The following SRCIN1 variants were observed in gnomAD, a reference collection of about 807,000 sequenced individuals.
SRCIN1 encodes the protein SRC kinase signaling inhibitor 1.
A neutral mutation model predicts 116.2 loss-of-function variants in SRCIN1; 50 were observed. That is an observed-to-expected ratio of 0.43 (90% CI 0.34 to 0.54). SRCIN1 has a LOEUF of 0.54. Ranked by LOEUF, SRCIN1 falls within the 20% of genes least tolerant of loss-of-function variation. SRCIN1 has a pLI of 0.02. For synonymous variants in SRCIN1, 736 were observed against 750.0 expected (o/e 0.98, Z 0.30); for missense variants, 1,446 against 1,672.0 (o/e 0.86, Z 2.36).
Position 38,561,893 on chromosome 17 carries a change from C to T in SRCIN1, c.1270G>A (p.Gly424Ser). The change falls in exon 7 of 19, where the codon GGC becomes AGC. Residue 424 changes from glycine (G) to serine (S), a missense_variant. Coordinates refer to ENST00000617146, the MANE Select transcript of SRCIN1 (RefSeq NM_025248.3). ...AGDPFAYPGA[G>S]GLYKRGSVRS... ...ACCGAGCCGCGCTTGTAGAGGCCGC[C>T]GGCGCCCGGGTAGGCGAACGGGTCG... 1 of 1,405,004 alleles carries T rather than the reference C, an allele frequency of 7.1e-7. No individual in the cohort carries two copies. The highest frequency in any genetic ancestry group is 9.2e-7 in the Non-Finnish European group (1 of 1,090,784). The allele number at this position is 1,405,004 out of a possible 1,614,324, so 87.0% of individuals were successfully genotyped here. A position where few individuals can be genotyped will look rare whatever the true frequency, so the allele number is the denominator to read the frequency against.
rs1906234495 is a variant in SRCIN1, at chr17:38,561,474, G to T, written c.1689C>A (p.Asp563Glu). ...TTAACGTCCCTCACCTGGTCTCCGT[G>T]TCCTTGGCTGGCACTGGCGGCCCGA... ...VGFGPPVPAK[D>E]TETRERMEAM... is the part of the protein sequence containing the mutation. Residue 563 changes from aspartate (D) to glutamate (E), a missense_variant, in exon 7 of 19, where the codon GAC (aspartate) becomes GAA (glutamate). Physicochemically the swap from Asp to Glu is conservative, Grantham distance 45 (BLOSUM62 2). This residue lies in a region of SRCIN1 where 398 missense variants were observed against 385.6 expected (regional missense o/e 1.03). Coordinates refer to ENST00000617146, the MANE Select transcript of SRCIN1 (RefSeq NM_025248.3). 2 of 1,588,324 alleles carry T rather than the reference G, an allele frequency of 1.3e-6. No homozygotes were observed. Among genetic ancestry groups the T allele is most frequent in the Non-Finnish European group, 1.7e-6 (2 of 1,174,990 alleles).
upstream of SRCIN1, among the ~76,000 whole-genome samples, chr17:38,606,304 G>A (rs896863414): frequency 1.3e-5 from 2 of 151,798 alleles, no homozygotes; most frequent in African/African-American, 2.4e-5. This position sits in a 1 kb window ranked among gnomAD's most constrained non-coding sequence, Gnocchi z 5.2. Flanking sequence ...GGGTCTCCAA[G>A]CCCGGGCGCG....
intron 18 of SRCIN1, among the ~76,000 whole-genome samples, chr17:38,534,567 C>T (rs1056582862): frequency 1.3e-5 from 2 of 152,182 alleles, no homozygotes; most frequent in Non-Finnish European, 2.9e-5. Flanking sequence ...TCACCAGAGA[C>T]CACCCTGAGG....
chr17:38,572,478 A>T lies in SRCIN1; in HGVS notation c.325-4247T>A, dbSNP rs1476299341. On this transcript the variant is annotated intron_variant, in intron 2 of 18. Transcript: ENST00000617146. This position sits in a 1 kb window ranked among gnomAD's most constrained non-coding sequence, Gnocchi z 4.3. The stretch of plus-strand genomic sequence containing the variant: ...CTGATTTTGGAGTGGGGGCCGGCCC[A>T]CGCCGAAGGCACCTAATGCGGTGGG... Among the ~76,000 whole-genome samples the T allele has an allele frequency of 6.6e-6, 1 of 151,708 alleles. No homozygotes were observed. Among genetic ancestry groups the T allele is most frequent in the East Asian group, 2.0e-4 (1 of 5,120 alleles).
intron 1 of SRCIN1, among the ~76,000 whole-genome samples, chr17:38,591,395 G>A (rs955961066): frequency 2.0e-5 from 3 of 152,052 alleles, no homozygotes; most frequent in Non-Finnish European, 4.4e-5. Context: ...CTTCCTGTGT[G>A]GCCCAGCCCC....
intron 2 of SRCIN1, among the ~76,000 whole-genome samples, chr17:38,571,669 G>C (rs954886279): frequency 6.6e-6 from 1 of 152,186 alleles, no homozygotes; most frequent in African/African-American, 2.4e-5. Context: ...GACCCCGGCA[G>C]GGGCAACCAC....
At chr17:38,533,873 C>T (rs1314659605) in intron 18 of SRCIN1, among the ~76,000 whole-genome samples, 1 of 151,974 alleles carries the variant, frequency 6.6e-6, no homozygotes, top group Non-Finnish European at 1.5e-5. Flanking sequence ...CCAAATGGCC[C>T]GCTGTACAGC....
rs73982849 is a variant in SRCIN1 at position 38,604,968 on chromosome 17, T to C, written c.22+716A>G. The stretch of plus-strand genomic sequence containing the variant: ...CCCCTCCCTAAACCCCTCCCTCTCG[T>C]GGCCCTCCCTACCCGCTGGTAGAGC... On this transcript the variant is annotated intron_variant, in intron 1 of 18. Transcript: ENST00000617146. This position sits in a 1 kb window ranked among gnomAD's most constrained non-coding sequence, Gnocchi z 4.3. Among the ~76,000 whole-genome samples, 4,209 of 151,726 alleles carry C rather than the reference T, an allele frequency of 0.028. 196 individuals are homozygous for C. The highest frequency in any genetic ancestry group is 0.098 in the African/African-American group (4,030 of 41,302).
At chr17:38,566,466 A>G (rs7220754) in intron 3 of SRCIN1, among the ~76,000 whole-genome samples, 4,008 of 152,170 alleles carry the variant, frequency 0.026, 185 homozygotes, top group African/African-American at 0.09. Flanking sequence ...GGGAGATGGC[A>G]GAAGAACAAA....
chr17:38,591,672 C>A (rs545621142), intron 1 of SRCIN1, among the ~76,000 whole-genome samples: 1 of 152,222 alleles, frequency 6.6e-6, no homozygotes, highest in Admixed American at 6.5e-5. Context: ...CTCAGGCCTC[C>A]CCCAGCCTCA....
intron 17 of SRCIN1, 70 bp downstream of exon 17, chr17:38,548,482 ACCTGG>A: frequency 6.4e-7 from 1 of 1,573,190 alleles, no homozygotes; most frequent in Non-Finnish European, 8.6e-7. Context: ...TCATCCTGTC[ACCTGG>A]CCTGGGGGGC....
rs1905512783 is a variant in SRCIN1, at chr17:38,552,656, A to T, written c.2333-62T>A. 1.2e-6 allele frequency: 2 copies of T among 1,613,204 alleles called. No homozygotes were observed. Among genetic ancestry groups the T allele is most frequent in the Non-Finnish European group, 1.7e-6 (2 of 1,179,802 alleles). ...GAGCACCACAGACTGGGAGGAGAGG[A>T]TGGTGGCTGGAGTATGGCAGACTTC... On this transcript the variant is annotated intron_variant, in intron 12 of 18. Transcript: ENST00000617146. The surrounding 1 kb of genome is among the most constrained non-coding windows in gnomAD (Gnocchi z 5.3).
chr17:38,559,487 A>G (rs1471755803), intron 10 of SRCIN1, 98 bp downstream of exon 10: 31 of 1,288,314 alleles, frequency 2.4e-5, no homozygotes, highest in Non-Finnish European at 3.3e-5. Context: ...AAGCTCTGGG[A>G]AAAGGATGAG....
In SRCIN1 at chr17:38,552,913, C is replaced by A. The variant is rs1905537864; in HGVS notation, c.2202-58G>T. 1 of 1,561,422 alleles carries A rather than the reference C, an allele frequency of 6.4e-7. No individual in the cohort carries two copies. The highest frequency in any genetic ancestry group is 8.7e-7 in the Non-Finnish European group (1 of 1,154,364). On this transcript the variant is annotated intron_variant, in intron 11 of 18. Coordinates refer to ENST00000617146, the MANE Select transcript of SRCIN1 (RefSeq NM_025248.3). This position sits in a 1 kb window ranked among gnomAD's most constrained non-coding sequence, Gnocchi z 5.3. Reference sequence around the variant, plus strand: ...TGGCCTGAGATGCCAGCCCAGCCCCCTGAAATTGGGCAACTGGAAAGAAAT... The same window carrying A: ...TGGCCTGAGATGCCAGCCCAGCCCCATGAAATTGGGCAACTGGAAAGAAAT...
intron 14 of SRCIN1, 52 bp from the exon 15 acceptor site, chr17:38,551,441 C>G (rs1597892803): frequency 4.8e-6 from 7 of 1,461,138 alleles, no homozygotes; most frequent in Non-Finnish European, 6.5e-6. Flanking sequence ...GCTCCAGGAC[C>G]TCTGGGGCCT....
rs1905243831 is a variant in SRCIN1, at chr17:38,549,153, G to C, written c.3020C>G (p.Pro1007Arg). The change falls in exon 16 of 19, where the codon CCC becomes CGC. Residue 1007 changes from proline to arginine, a missense_variant. Pro to Arg is a moderately radical substitution (Grantham distance 103). This residue lies in a region of SRCIN1 where 531 missense variants were observed against 633.9 expected (regional missense o/e 0.84). Transcript: ENST00000617146. ...GGAGGGGAAGCTCCGGCGGGGAGGG[G>C]GCGGTGGGGGCGACTTGGAGGGCTT... ...TEKPSKSPPP[P>R]PPRRSFPSSH... 6.3e-7 allele frequency: 1 copy of C among 1,589,590 alleles called. No homozygotes were observed. Among genetic ancestry groups the C allele is most frequent in the Non-Finnish European group, 8.6e-7 (1 of 1,168,816 alleles).
rs1380483841 is a variant in SRCIN1, at chr17:38,604,577, C to A, written c.22+1107G>T. The A allele has an allele frequency of 2.2e-6, 1 of 452,968 alleles. No homozygotes were observed. Among genetic ancestry groups the A allele is most frequent in the Non-Finnish European group, 4.4e-6 (1 of 225,714 alleles). 28.1% of individuals were successfully genotyped at this position (452,968 alleles called of 1,614,324 possible). On this transcript the variant is annotated intron_variant, in intron 1 of 18. Coordinates refer to ENST00000617146, the MANE Select transcript of SRCIN1 (RefSeq NM_025248.3). The surrounding 1 kb of genome is among the most constrained non-coding windows in gnomAD (Gnocchi z 4.3). ...CCTCTCCCACCAGGCCAGGGCAAAG[C>A]GCCGGAGGCACTGCCAGGGCTGCAT...
intron 1 of SRCIN1, 82 bp downstream of exon 1, chr17:38,605,601 AG>A (rs1796508661): frequency 6.6e-6 from 7 of 1,059,382 alleles, no homozygotes; most frequent in Non-Finnish European, 7.5e-6. Flanking sequence ...CCCCCGGCCG[AG>A]GGGGAAAACA....
In SRCIN1 at chr17:38,562,157, GC is replaced by G. The variant is rs1567865483; in HGVS notation, c.1005del (p.Arg336AlafsTer39). The G allele has an allele frequency of 2.9e-6, 4 of 1,365,080 alleles. No homozygotes were observed. The highest frequency in any genetic ancestry group is 1.7e-5 in the South Asian group (1 of 57,858). 84.6% of individuals were successfully genotyped at this position (1,365,080 alleles called of 1,614,324 possible). On this transcript the variant is annotated frameshift_variant, in exon 7 of 19. Transcript: ENST00000617146. LOFTEE classifies it high-confidence loss of function. This position sits in a 1 kb window ranked among gnomAD's most constrained non-coding sequence, Gnocchi z 4.2. Reference sequence around the variant, plus strand: ...GGGCTGCCGGCGTACGAAGGCGGGCGCCCCCCGGCGTACGATAGGCGCGAAC... The same window carrying G: ...GGGCTGCCGGCGTACGAAGGCGGGCGCCCCCGGCGTACGATAGGCGCGAAC... ...PSRSRLSYAG[G>X]RPPSYAGSPV...
Sources: allele counts gnomAD v4.1 joint callset (sites outside exome capture counted in the v4.1 genomes callset), GRCh38; gene constraint gnomAD v4.1.1; regional missense constraint gnomAD v4.1.1; non-coding constraint Gnocchi (gnomAD v3.1); transcripts MANE v1.5; gene names NCBI Gene and HGNC (gene_info 2026-07-23, HGNC 2026-07-21).